The following MTMR14 variants were observed in gnomAD, a reference collection of about 807,000 sequenced individuals.
The protein encoded by MTMR14 is myotubularin related protein 14.
A neutral mutation model predicts 86.3 loss-of-function variants in MTMR14; 48 were observed. The ratio of observed to expected loss-of-function variants is 0.56; its 90% CI spans 0.44 to 0.71. The LOEUF (loss-of-function observed/expected upper bound fraction) is 0.71. MTMR14 is among the 30% of genes least tolerant of loss of function. MTMR14 has a pLI of 0.00. For synonymous variants in MTMR14, 366 were observed against 326.1 expected (o/e 1.12, Z -1.32); for missense variants, 780 against 834.6 (o/e 0.93, Z 0.81).
chr3:9,662,254 G>A lies in MTMR14; in HGVS notation c.309-13G>A, dbSNP rs1005591565. The stretch of plus-strand genomic sequence containing the variant: ...AAAGTCAGCTTGACCTGCTTCTCTT[G>A]CCTGTGTGTTAGGTTTGAGAGTACC... On this transcript the variant is annotated splice_polypyrimidine_tract_variant and intron_variant, in intron 2 of 18. Transcript: ENST00000296003. The A allele has an allele frequency of 5.6e-6, 9 of 1,610,960 alleles. No individual in the cohort carries two copies. The highest frequency in any genetic ancestry group is 1.3e-5 in the African/African-American group (1 of 74,352).
In MTMR14 at chr3:9,684,977, A is replaced by G; in HGVS notation, c.1127+13A>G. ...GGTTCCTCTTCGGGTAAGCCTTTGC[A>G]GGAGTTGGGTTTTGGGGCCTTAGTA... On this transcript the variant is annotated intron_variant, in intron 12 of 18. Coordinates refer to ENST00000296003, the MANE Select transcript of MTMR14 (RefSeq NM_001077525.3). The G allele has an allele frequency of 1.2e-6, 2 of 1,613,574 alleles. No individual in the cohort carries two copies. The highest frequency in any genetic ancestry group is 8.5e-7 in the Non-Finnish European group (1 of 1,179,634).
chr3:9,661,412 T>C (rs2047923919), intron 2 of MTMR14, among the ~76,000 whole-genome samples: 1 of 152,156 alleles, frequency 6.6e-6, no homozygotes, highest in Non-Finnish European at 1.5e-5. Context: ...CCGCCACTGA[T>C]GATCTGACAG....
intron 7 of MTMR14, among the ~76,000 whole-genome samples, chr3:9,673,754 A>G (rs1458108272): frequency 6.6e-6 from 1 of 151,642 alleles, no homozygotes; most frequent in Non-Finnish European, 1.5e-5. Flanking sequence ...CCTTCTGAGC[A>G]TCAGTTCCCT....
In MTMR14 at chr3:9,677,081, G is replaced by A. The variant is rs1482773184; in HGVS notation, c.752-236G>A. Among the ~76,000 whole-genome samples the A allele has an allele frequency of 6.6e-6, 1 of 152,240 alleles. No individual in the cohort carries two copies. Among genetic ancestry groups the A allele is most frequent in the Non-Finnish European group, 1.5e-5 (1 of 68,048 alleles). ...GGAGAAAGTTACAAAGAGGCTGAGA[G>A]CAGGCAGTGCCTCGTGGAAAAGGCA... On this transcript the variant is annotated intron_variant, in intron 7 of 18. Transcript: ENST00000296003. This position sits in a 1 kb window ranked among gnomAD's most constrained non-coding sequence, Gnocchi z 4.2.
chr3:9,654,008 T>C lies in MTMR14; in HGVS notation c.308+239T>C. 7.3e-6 allele frequency: 4 copies of C among 548,272 alleles called. No homozygotes were observed. The South Asian group carries it at 7.8e-5, about 11-fold the overall frequency. 34.0% of individuals were successfully genotyped at this position (548,272 alleles called of 1,614,324 possible). ...TTCACTTCCACCCTAGAGCTCATTG[T>C]CCTAAGATAGCTGACTTCACACTTC... On this transcript the variant is annotated intron_variant, in intron 2 of 18. Coordinates refer to ENST00000296003, the MANE Select transcript of MTMR14 (RefSeq NM_001077525.3).
At chr3:9,668,866 G>A (rs573133068) in intron 4 of MTMR14, 72 bp downstream of exon 4, 16 of 1,508,462 alleles carry the variant, frequency 1.1e-5, no homozygotes, top group South Asian at 5.6e-5. Flanking sequence ...CGGGCCGGGC[G>A]CCATGCCTCA....
At chr3:9,687,953 G>C in intron 14 of MTMR14, 62 bp downstream of exon 14, 1 of 1,380,894 alleles carries the variant, frequency 7.2e-7, no homozygotes, top group Non-Finnish European at 1.0e-6. Flanking sequence ...CTGCTCCCTG[G>C]GAGGCAAGAG....
intron 17 of MTMR14, among the ~76,000 whole-genome samples, chr3:9,695,578 C>G (rs993749536): frequency 6.6e-5 from 10 of 152,296 alleles, no homozygotes; most frequent in Admixed American, 1.3e-4. Context: ...ACCTGGAATC[C>G]TTGAGGGGAG....
intron 17 of MTMR14, among the ~76,000 whole-genome samples, chr3:9,695,672 G>A (rs1305556030): frequency 6.6e-6 from 1 of 152,206 alleles, no homozygotes; most frequent in Admixed American, 6.5e-5. Context: ...TGGGGCCTGA[G>A]AAACTTCCCC....
chr3:9,673,515 C>T (rs2048685596), intron 7 of MTMR14, among the ~76,000 whole-genome samples: 1 of 152,206 alleles, frequency 6.6e-6, no homozygotes, highest in South Asian at 2.1e-4. Context: ...CAGCAGACAA[C>T]AGGGAGTAAA....
chr3:9,664,056 T>G (rs1445481339), intron 3 of MTMR14, among the ~76,000 whole-genome samples: 1 of 151,938 alleles, frequency 6.6e-6, no homozygotes, highest in Non-Finnish European at 1.5e-5. Context: ...CCCAAAGTGC[T>G]GGGACTACAG....
intron 2 of MTMR14, among the ~76,000 whole-genome samples, chr3:9,658,633 CCTGTT>C (rs1197752653): frequency 3.3e-5 from 5 of 152,266 alleles, no homozygotes; most frequent in Non-Finnish European, 5.9e-5. Context: ...ACCCTGTTTA[CCTGTT>C]CTGTGACTTT....
At position 9,649,792 on chromosome 3, in the gene MTMR14, T is replaced by C. The variant is rs558663778; in HGVS notation, c.159+50T>C. 3 of 1,607,506 alleles carry C rather than the reference T, an allele frequency of 1.9e-6. No homozygotes were observed. The Admixed American group carries it at 5.1e-5, about 27-fold the overall frequency. On this transcript the variant is annotated intron_variant, in intron 1 of 18. Coordinates refer to ENST00000296003, the MANE Select transcript of MTMR14 (RefSeq NM_001077525.3). Reference sequence around the variant, plus strand: ...GGGGAAGGCTCCTAACTTGGGAAGTTACAGAGGAAAGGCTGAGGCCAGGGG... The same window carrying C: ...GGGGAAGGCTCCTAACTTGGGAAGTCACAGAGGAAAGGCTGAGGCCAGGGG...
chr3:9,685,372 T>G (rs2075906941), intron 13 of MTMR14, 125 bp downstream of exon 13: 6 of 1,169,522 alleles, frequency 5.1e-6, no homozygotes, highest in Non-Finnish European at 7.6e-6. Flanking sequence ...TGTGGCCCCC[T>G]GTCATCTCCT....
chr3:9,679,035 G>C (rs569401232), intron 9 of MTMR14, among the ~76,000 whole-genome samples: 268 of 152,312 alleles, frequency 1.8e-3, no homozygotes, highest in African/African-American at 6.1e-3. Context: ...TTGAAAGGCT[G>C]ACCCATCTAT....
Position 9,701,747 on chromosome 3 carries a change from T to A in MTMR14, c.1770-43T>A, listed in dbSNP as rs1394918863. 1.2e-6 allele frequency: 2 copies of A among 1,608,436 alleles called. No homozygotes were observed. The highest frequency in any genetic ancestry group is 1.7e-6 in the Non-Finnish European group (2 of 1,177,784). On this transcript the variant is annotated intron_variant, in intron 18 of 18. Coordinates refer to ENST00000296003, the MANE Select transcript of MTMR14 (RefSeq NM_001077525.3). The surrounding 1 kb of genome is among the most constrained non-coding windows in gnomAD (Gnocchi z 4.2). ...GGGAGGATGAGGATACTGGGTCCTG[T>A]CCCAGGGTAATGTCTTTGTTCTTTC...
At chr3:9,683,101 C>A in intron 9 of MTMR14, 77 bp from the exon 10 acceptor site, 1 of 1,413,172 alleles carries the variant, frequency 7.1e-7, no homozygotes, top group Non-Finnish European at 1.0e-6. Flanking sequence ...CAGAATAACT[C>A]TTGGCATTTT....
chr3:9,659,921 T>C (rs894737190), intron 2 of MTMR14: 8 of 440,456 alleles, frequency 1.8e-5, no homozygotes, highest in African/African-American at 1.6e-4. Flanking sequence ...AAATCCACCT[T>C]GGTTTTGAGG....
chr3:9,688,082 G>T (rs746218982), intron 14 of MTMR14, among the ~76,000 whole-genome samples, 191 bp downstream of exon 14: 13 of 152,210 alleles, frequency 8.5e-5, no homozygotes, highest in Non-Finnish European at 1.8e-4. Flanking sequence ...AGGCTCTTCT[G>T]CAGGGAAGGC....
Sources: allele counts gnomAD v4.1 joint callset (sites outside exome capture counted in the v4.1 genomes callset), GRCh38; gene constraint gnomAD v4.1.1; non-coding constraint Gnocchi (gnomAD v3.1); transcripts MANE v1.5; gene names NCBI Gene and HGNC (gene_info 2026-07-23, HGNC 2026-07-21).